Variants in LRRTM4 observed in about 807,000 individuals in gnomAD.
LRRTM4 encodes leucine rich repeat transmembrane neuronal 4, also known as leucine-rich repeat transmembrane neuronal protein 4.
In LRRTM4, 25 loss-of-function variants were observed where a neutral mutation model predicts 47.6. The observed-to-expected ratio is 0.53, with a 90% CI of 0.38 to 0.73. LRRTM4 has a LOEUF of 0.73. Among genes scored for constraint, LRRTM4 ranks in the 30% least tolerant of loss-of-function variants. The probability of loss-of-function intolerance (pLI) is 0.00; values close to 1 mark genes in which losing one functional copy is unlikely to be tolerated. For missense variants in LRRTM4, 638 were observed against 713.4 expected, an observed-to-expected ratio of 0.89 and a Z score of 1.20; for synonymous variants, 311 against 269.5, an observed-to-expected ratio of 1.15 and a Z score of -1.51.
chr2:77,216,835 G>A (rs943610843), intron 3 of LRRTM4, among the ~76,000 whole-genome samples: 4 of 152,092 alleles, frequency 2.6e-5, no homozygotes, highest in Admixed American at 2.6e-4. Context: ...CACTTTGGGA[G>A]GCCGAGGCAG....
chr2:77,272,970 A>AGTCATGTATTTTAGAGTACAAAGAAATTT (rs1676246130), intron 3 of LRRTM4, among the ~76,000 whole-genome samples: 1 of 152,282 alleles, frequency 6.6e-6, no homozygotes, highest in East Asian at 1.9e-4. Flanking sequence ...ATAGTTTTAA[A>AGTCATGTATTTTAGAGTACAAAGAAATTT]GTCATGTATT....
intron 3 of LRRTM4, among the ~76,000 whole-genome samples, chr2:76,909,661 A>G (rs1673978089): frequency 6.6e-6 from 1 of 152,088 alleles, no homozygotes; most frequent in Admixed American, 6.5e-5. Context: ...AAAAACAAAC[A>G]ACCCCATCAA....
At chr2:76,914,141 G>T (rs921853251) in intron 3 of LRRTM4, among the ~76,000 whole-genome samples, 3 of 151,810 alleles carry the variant, frequency 2.0e-5, no homozygotes, top group Admixed American at 2.0e-4. Flanking sequence ...GATCTTTGTA[G>T]TCTATTCATG....
At chr2:77,180,896 T>C (rs113558544) in intron 3 of LRRTM4, among the ~76,000 whole-genome samples, 1,572 of 152,262 alleles carry the variant, frequency 0.01, 14 homozygotes, top group African/African-American at 0.036. Flanking sequence ...ATGATAAACA[T>C]TGAATTATAC....
At chr2:76,997,681 C>T (rs1267459075) in intron 3 of LRRTM4, among the ~76,000 whole-genome samples, 1 of 152,080 alleles carries the variant, frequency 6.6e-6, no homozygotes, top group Non-Finnish European at 1.5e-5. Flanking sequence ...AACTAACATT[C>T]TATGGCAGGG....
At chr2:77,270,318 G>T (rs1243776906) in intron 3 of LRRTM4, among the ~76,000 whole-genome samples, 1 of 152,122 alleles carries the variant, frequency 6.6e-6, no homozygotes, top group Non-Finnish European at 1.5e-5. Context: ...TTGTGAAATT[G>T]TATCCTCTTG....
chr2:77,294,518 T>C (rs552054223), intron 3 of LRRTM4, among the ~76,000 whole-genome samples: 289 of 152,238 alleles, frequency 1.9e-3, no homozygotes, highest in Non-Finnish European at 3.4e-3. Context: ...CAAAAGCAGA[T>C]ATATAGTTTA....
intron 3 of LRRTM4, among the ~76,000 whole-genome samples, chr2:77,405,074 A>G (rs1271968391): frequency 6.6e-6 from 1 of 152,148 alleles, no homozygotes; most frequent in East Asian, 1.9e-4. Context: ...TTTACTAAAT[A>G]GCAAGTGTAA....
rs1373079396 is a variant in LRRTM4 at position 76,945,115 on chromosome 2, A to C, written c.1552-196199T>G. On this transcript the variant is annotated intron_variant, in intron 3 of 3. Coordinates refer to ENST00000409884, the MANE Select transcript of LRRTM4 (RefSeq NM_001134745.3). The stretch of plus-strand genomic sequence containing the variant: ...GGTCACAGATAAAGTAAAAATCAGC[A>C]TATTACACACAAAATATAAGTATGT... Among the ~76,000 whole-genome samples, 3 of 152,150 alleles carry C rather than the reference A, an allele frequency of 2.0e-5. No individual in the cohort carries two copies. In the East Asian group the frequency reaches 5.8e-4, roughly 29 times the overall value.
intron 3 of LRRTM4, among the ~76,000 whole-genome samples, chr2:77,251,220 T>C (rs184037754): frequency 5.8e-4 from 42 of 71,910 alleles, no homozygotes; most frequent in African/African-American, 3.3e-3. Context: ...TATATATGTG[T>C]ATATATACAT....
chr2:77,088,706 TC>T (rs1680814883), intron 3 of LRRTM4, among the ~76,000 whole-genome samples: 1 of 152,086 alleles, frequency 6.6e-6, no homozygotes, highest in African/African-American at 2.4e-5. Flanking sequence ...TCAGGGGACT[TC>T]CCCTAGGAGA....
intron 3 of LRRTM4, among the ~76,000 whole-genome samples, chr2:77,182,626 T>C (rs1673381768): frequency 1.3e-5 from 2 of 152,170 alleles, no homozygotes; most frequent in Non-Finnish European, 2.9e-5. Context: ...TCATGTCATA[T>C]GCAAACAGGG....
At chr2:77,222,756 AC>A (rs1674676952) in intron 3 of LRRTM4, among the ~76,000 whole-genome samples, 1 of 152,202 alleles carries the variant, frequency 6.6e-6, no homozygotes. Flanking sequence ...AGATGGATTC[AC>A]AGCCGAATTC....
intron 3 of LRRTM4, among the ~76,000 whole-genome samples, chr2:77,062,421 A>C (rs2103803277): frequency 6.6e-6 from 1 of 152,300 alleles, no homozygotes; most frequent in East Asian, 1.9e-4. Context: ...AGAGTTGAGG[A>C]GAGTAGCTTA....
At chr2:77,262,284 C>T (rs187529282) in intron 3 of LRRTM4, among the ~76,000 whole-genome samples, 3 of 152,110 alleles carry the variant, frequency 2.0e-5, no homozygotes, top group African/African-American at 7.2e-5. Context: ...CTTGAAGCAT[C>T]CCAAAACCAT....
At chr2:77,069,399 C>CTGTG (rs1553381576) in intron 3 of LRRTM4, among the ~76,000 whole-genome samples, 13 of 123,672 alleles carry the variant, frequency 1.1e-4, no homozygotes, top group African/African-American at 3.9e-4. Flanking sequence ...CTACATTTCA[C>CTGTG]TATGTGTGTG....
intron 3 of LRRTM4, among the ~76,000 whole-genome samples, chr2:77,396,639 T>C (rs369321554): frequency 6.6e-6 from 1 of 151,936 alleles, no homozygotes; most frequent in Non-Finnish European, 1.5e-5. Context: ...GAGAATTTAA[T>C]AAAAAGCAGT....
chr2:77,371,545 C>A (rs1216636360), intron 3 of LRRTM4, among the ~76,000 whole-genome samples: 2 of 151,690 alleles, frequency 1.3e-5, no homozygotes, highest in Non-Finnish European at 3.0e-5. Flanking sequence ...ACCTCTTTAT[C>A]TATTACACTT....
At chr2:77,375,448 A>C (rs1390256390) in intron 3 of LRRTM4, among the ~76,000 whole-genome samples, 1 of 151,774 alleles carries the variant, frequency 6.6e-6, no homozygotes. Flanking sequence ...TTGTGATAAG[A>C]AGCCTTAACA....
Sources: gnomAD v4.1 joint callset for allele counts (sites outside exome capture counted in the v4.1 genomes callset) on GRCh38, gnomAD v4.1.1 for gene constraint, MANE v1.5 for transcripts, NCBI Gene and HGNC (gene_info 2026-07-23, HGNC 2026-07-21) for gene names.